The following CSNK1G1 variants were observed in gnomAD, a reference collection of about 807,000 sequenced individuals.
CSNK1G1 encodes the protein casein kinase 1 gamma 1, also known as casein kinase I isoform gamma-1.
Under a neutral mutation model 59.6 loss-of-function variants are expected in CSNK1G1, and 22 were observed. The observed-to-expected ratio is 0.37, with a 90% CI of 0.26 to 0.53. CSNK1G1 has a LOEUF of 0.53. CSNK1G1 is among the 20% of genes least tolerant of loss of function. CSNK1G1 has a pLI of 0.89. For synonymous variants in CSNK1G1, 179 were observed against 177.1 expected (o/e 1.01, Z -0.08); for missense variants, 384 against 519.5 (o/e 0.74, Z 2.54).
chr15:64,349,213 T>C (rs1898145588), intron 1 of CSNK1G1, among the ~76,000 whole-genome samples: 1 of 152,066 alleles, frequency 6.6e-6, no homozygotes, highest in African/African-American at 2.4e-5. Context: ...ATACCCCTTT[T>C]TATAGGCTAA....
intron 1 of CSNK1G1, among the ~76,000 whole-genome samples, chr15:64,323,821 T>TA (rs1297713778): frequency 6.6e-6 from 1 of 152,212 alleles, no homozygotes; most frequent in Non-Finnish European, 1.5e-5. Context: ...CTAGTGTTCT[T>TA]AAAACAAAGC....
intron 4 of CSNK1G1, among the ~76,000 whole-genome samples, chr15:64,223,948 A>G (rs2082423698): frequency 6.6e-6 from 1 of 152,228 alleles, no homozygotes; most frequent in African/African-American, 2.4e-5. Context: ...GCTGTTATCT[A>G]AAAACAATCT....
chr15:64,317,980 A>G (rs777245283), intron 1 of CSNK1G1, among the ~76,000 whole-genome samples: 2 of 152,200 alleles, frequency 1.3e-5, no homozygotes, highest in Non-Finnish European at 2.9e-5. Context: ...AGCAACTGCT[A>G]CATAGCTGGG....
At chr15:64,301,733 A>G (rs1226414273) in intron 1 of CSNK1G1, among the ~76,000 whole-genome samples, 7 of 152,144 alleles carry the variant, frequency 4.6e-5, no homozygotes, top group African/African-American at 1.7e-4. Flanking sequence ...CTAAAAATAT[A>G]AAAATTAGCT....
intron 4 of CSNK1G1, among the ~76,000 whole-genome samples, chr15:64,228,926 G>C (rs1292477714): frequency 1.3e-5 from 2 of 149,258 alleles, no homozygotes; most frequent in Non-Finnish European, 3.0e-5. Context: ...GCTGAGACAA[G>C]AGGATCACTT....
intron 1 of CSNK1G1, among the ~76,000 whole-genome samples, chr15:64,344,954 A>C (rs1897870142): frequency 3.9e-5 from 6 of 152,340 alleles, no homozygotes. Context: ...TTTGGAGATA[A>C]TGTATCTCTG....
rs755644483 is a variant in CSNK1G1, at chr15:64,211,290, C to T, written c.679+2600G>A. ...TCTCAGTCATTTCTTCTTTGCAACA[C>T]AAAAAAATGCAACACATTTAAAAAC... On this transcript the variant is annotated intron_variant, in intron 6 of 11. Coordinates refer to ENST00000303052, the MANE Select transcript of CSNK1G1 (RefSeq NM_022048.5). Among the ~76,000 whole-genome samples, 31 of 152,196 alleles carry T rather than the reference C, an allele frequency of 2.0e-4. No individual in the cohort carries two copies. The South Asian group carries it at 2.5e-3, about 12-fold the overall frequency.
In CSNK1G1 at chr15:64,244,395, C is replaced by CG. The variant is rs572310127; in HGVS notation, c.292+7116dup. ...AAAAAAAAAAAAAAAGAGTGTGGGCCGGGGGGAGACATCCCTTGTTCATAG... is the reference window on the plus strand; with the variant it reads ...AAAAAAAAAAAAAAAGAGTGTGGGCCGGGGGGGAGACATCCCTTGTTCATAG... On this transcript the variant is annotated intron_variant, in intron 4 of 11. Coordinates refer to ENST00000303052, the MANE Select transcript of CSNK1G1 (RefSeq NM_022048.5). Among the ~76,000 whole-genome samples the CG allele has an allele frequency of 3.1e-3, 463 of 148,344 alleles. 7 individuals are homozygous for CG. Among genetic ancestry groups the CG allele is most frequent in the African/African-American group, 0.011 (436 of 40,468 alleles).
chr15:64,252,256 CT>C (rs956838753), intron 3 of CSNK1G1, among the ~76,000 whole-genome samples: 76 of 145,558 alleles, frequency 5.2e-4, no homozygotes, highest in Non-Finnish European at 3.5e-4. Flanking sequence ...TGTATAATTT[CT>C]TTTTTTTTTT....
chr15:64,217,340 A>G lies in CSNK1G1; in HGVS notation c.293-627T>C, dbSNP rs190725129. Among the ~76,000 whole-genome samples, 8 of 152,342 alleles carry G rather than the reference A, an allele frequency of 5.3e-5. No homozygotes were observed. In the East Asian group the frequency reaches 1.5e-3, roughly 29 times the overall value. On this transcript the variant is annotated intron_variant, in intron 4 of 11. Coordinates refer to ENST00000303052, the MANE Select transcript of CSNK1G1 (RefSeq NM_022048.5). ...GTTGCTGATAAGTGCTGATGAAAGG[A>G]AAAGGGGGAAAAAACACAAGGCTGG...
At chr15:64,224,086 T>C (rs187786554) in intron 4 of CSNK1G1, among the ~76,000 whole-genome samples, 60 of 152,338 alleles carry the variant, frequency 3.9e-4, no homozygotes, top group African/African-American at 1.4e-3. Context: ...ATAATTAGTC[T>C]TTCATTCTTT....
Position 64,216,791 on chromosome 15 carries a change from A to C in CSNK1G1, c.293-78T>G. 1 of 1,281,768 alleles carries C rather than the reference A, an allele frequency of 7.8e-7. No homozygotes were observed. Among genetic ancestry groups the C allele is most frequent in the Non-Finnish European group, 1.1e-6 (1 of 927,230 alleles). 79.4% of individuals were successfully genotyped at this position (1,281,768 alleles called of 1,614,324 possible). On this transcript the variant is annotated intron_variant, in intron 4 of 11. Coordinates refer to ENST00000303052, the MANE Select transcript of CSNK1G1 (RefSeq NM_022048.5). This position sits in a 1 kb window ranked among gnomAD's most constrained non-coding sequence, Gnocchi z 4.6. ...TATGAGATAACAGTATTAGCACTGAATAAAATATTTTTAAAAGTACAATTT... is the reference window on the plus strand; with the variant it reads ...TATGAGATAACAGTATTAGCACTGACTAAAATATTTTTAAAAGTACAATTT...
chr15:64,354,149 C>T (rs1898497350), intron 1 of CSNK1G1, among the ~76,000 whole-genome samples: 1 of 151,870 alleles, frequency 6.6e-6, no homozygotes, highest in Non-Finnish European at 1.5e-5. Context: ...ACTAAAAATA[C>T]AAAAAATTAG....
chr15:64,305,898 T>C (rs1160540573), intron 1 of CSNK1G1, among the ~76,000 whole-genome samples: 2 of 152,224 alleles, frequency 1.3e-5, no homozygotes, highest in East Asian at 3.9e-4. Context: ...AAGGATAGTC[T>C]TTTTAACAAA....
chr15:64,270,277 T>G (rs775101726), intron 2 of CSNK1G1, among the ~76,000 whole-genome samples: 2 of 152,194 alleles, frequency 1.3e-5, no homozygotes, highest in African/African-American at 2.4e-5. Flanking sequence ...ATCTTTTGAA[T>G]GGTTTTTCAT....
At chr15:64,290,451 C>G (rs546097615) in intron 2 of CSNK1G1, among the ~76,000 whole-genome samples, 16 of 152,074 alleles carry the variant, frequency 1.1e-4, no homozygotes, top group Middle Eastern at 3.4e-3. Flanking sequence ...GAACTGCAGG[C>G]CATTAACTTA....
rs2082091232 is a variant in CSNK1G1, at chr15:64,200,329, T to A, written c.1107+2753A>T. ...TACATACATTTTCTACTTAAATGCA[T>A]TTTTGTTTTTTGAGATGGAGTTTCT... is the stretch of plus-strand genomic sequence containing the variant. On this transcript the variant is annotated intron_variant, in intron 10 of 11. Transcript: ENST00000303052. This position sits in a 1 kb window ranked among gnomAD's most constrained non-coding sequence, Gnocchi z 4.3. 6.6e-6 allele frequency among the ~76,000 whole-genome samples: 1 copy of A among 152,164 alleles called. No individual in the cohort carries two copies. Among genetic ancestry groups the A allele is most frequent in the African/African-American group, 2.4e-5 (1 of 41,440 alleles).
chr15:64,175,397 G>A (rs927724889), intron 11 of CSNK1G1, among the ~76,000 whole-genome samples: 8 of 152,120 alleles, frequency 5.3e-5, no homozygotes, highest in African/African-American at 1.9e-4. Context: ...CGGACAATGT[G>A]GGAGAGTTAA....
chr15:64,344,039 A>G (rs906236867), intron 1 of CSNK1G1, among the ~76,000 whole-genome samples: 1 of 152,124 alleles, frequency 6.6e-6, no homozygotes, highest in African/African-American at 2.4e-5. Context: ...TCCTTCCCCA[A>G]TAAATAAATT....
Sources: allele counts gnomAD v4.1 joint callset (sites outside exome capture counted in the v4.1 genomes callset), GRCh38; gene constraint gnomAD v4.1.1; non-coding constraint Gnocchi (gnomAD v3.1); transcripts MANE v1.5; gene names NCBI Gene and HGNC (gene_info 2026-07-23, HGNC 2026-07-21).